CRYBG3: variants seen among roughly 807,000 people sequenced by gnomAD.
The protein encoded by CRYBG3 is very large A-kinase anchor protein.
CRYBG3 carries 127 observed loss-of-function variants against 244.2 expected under a neutral mutation model. The observed-to-expected ratio is 0.52, with a 90% confidence interval of 0.45 to 0.60. The LOEUF (loss-of-function observed/expected upper bound fraction) is 0.60, where lower values mean the gene tolerates loss of function less well. CRYBG3 is among the 20% of genes least tolerant of loss of function. The probability of loss-of-function intolerance (pLI) is 0.00; values close to 1 mark genes in which losing one functional copy is unlikely to be tolerated. For missense variants in CRYBG3, 3,325 were observed against 3,442.5 expected (o/e 0.97, Z 0.85); for synonymous variants, 1,132 against 1,195.8 (o/e 0.95, Z 1.10).
In CRYBG3 at chr3:97,829,935, C is replaced by G. The variant is rs183292669; in HGVS notation, c.149+7580C>G. Among the ~76,000 whole-genome samples, 79 of 152,148 alleles carry G rather than the reference C, an allele frequency of 5.2e-4. 2 individuals are homozygous for G. The highest frequency in any genetic ancestry group is 5.1e-3 in the Admixed American group (78 of 15,284). On this transcript the variant is annotated intron_variant, in intron 1 of 21. Transcript: ENST00000389622. Reference sequence around the variant, plus strand: ...GGAAACTTTAATTTTTTTTCAATCTCATTTAAGCTGTTTCTCCTGGAACAT... The same window carrying G: ...GGAAACTTTAATTTTTTTTCAATCTGATTTAAGCTGTTTCTCCTGGAACAT...
At chr3:97,879,663 G>C (rs758104198) in intron 4 of CRYBG3, 41 bp from the exon 5 acceptor site, 67 of 1,406,588 alleles carry the variant, frequency 4.8e-5, no homozygotes, top group Non-Finnish European at 4.3e-5. Context: ...TCTTTTCACC[G>C]ATGTTTCTTA....
At position 97,874,945 on chromosome 3, in the gene CRYBG3, G is replaced by A; in HGVS notation, c.3751G>A (p.Val1251Met). The A allele has an allele frequency of 6.5e-7, 1 of 1,535,936 alleles. No individual in the cohort carries two copies. Among genetic ancestry groups the A allele is most frequent in the Non-Finnish European group, 8.7e-7 (1 of 1,146,832 alleles). ...EDISEKNPSEVTLTEIQQTEG... is the reference protein window; with the variant it reads ...EDISEKNPSEMTLTEIQQTEG... The stretch of plus-strand genomic sequence containing the variant: ...CATCTCTGAGAAAAACCCATCAGAA[G>A]TGACACTAACAGAAATACAACAGAC... Residue 1251 changes from valine (V) to methionine (M), a missense_variant, in exon 4 of 22, where the codon GTG (valine) becomes ATG (methionine). Physicochemically the swap from Val to Met is conservative, Grantham distance 21. Around this residue, in one of 4 missense-constraint regions of CRYBG3, gnomAD observed 1,526 missense variants for 1,443.2 expected, o/e 1.06. Coordinates refer to ENST00000389622, the MANE Select transcript of CRYBG3 (RefSeq NM_153605.4).
chr3:97,822,491 A>C, intron 1 of CRYBG3, 136 bp downstream of exon 1: 1 of 809,046 alleles, frequency 1.2e-6, no homozygotes, highest in Non-Finnish European at 1.8e-6. Flanking sequence ...TCCTTCCTCC[A>C]TTGCTAAAGT....
intron 17 of CRYBG3, among the ~76,000 whole-genome samples, chr3:97,916,518 G>A (rs1445950348): frequency 6.6e-6 from 1 of 152,162 alleles, no homozygotes; most frequent in East Asian, 1.9e-4. Flanking sequence ...GAGGTAGTGA[G>A]GATCTGGGAT....
intron 11 of CRYBG3, among the ~76,000 whole-genome samples, chr3:97,893,909 G>C (rs538409259): frequency 6.6e-6 from 1 of 152,262 alleles, no homozygotes; most frequent in South Asian, 2.1e-4. Flanking sequence ...AGTAAATTAA[G>C]TAATAGCCAT....
At position 97,877,492 on chromosome 3, in the gene CRYBG3, T is replaced by C. The variant is rs748260587; in HGVS notation, c.6298T>C (p.Ser2100Pro). The C allele has an allele frequency of 1.2e-6, 2 of 1,614,142 alleles. No individual in the cohort carries two copies. The highest frequency in any genetic ancestry group is 2.2e-5 in the South Asian group (2 of 91,078). ...EDDSSQEDIL[S>P]SEVSPGHHGP... ...TGACAGCTCACAGGAGGACATTCTA[T>C]CTAGTGAGGTTTCACCTGGTCACCA... is the stretch of plus-strand genomic sequence containing the variant. The change falls in exon 4 of 22, where the codon TCT becomes CCT. Residue 2100 changes from serine to proline, a missense_variant. Physicochemically the swap from Ser to Pro is moderately conservative, Grantham distance 74 (BLOSUM62 -1). Transcript: ENST00000389622.
intron 2 of CRYBG3, among the ~76,000 whole-genome samples, chr3:97,844,319 G>T (rs2038867589): frequency 6.6e-6 from 1 of 152,094 alleles, no homozygotes; most frequent in African/African-American, 2.4e-5. Context: ...TACCCAGCCT[G>T]CTGGTTTACC....
In CRYBG3 at chr3:97,822,226, G is replaced by T. The variant is rs1057130955; in HGVS notation, c.20G>T (p.Arg7Met). Residue 7 changes from arginine (R) to methionine (M), a missense_variant, in exon 1 of 22, where the codon AGG becomes ATG. Coordinates refer to ENST00000389622, the MANE Select transcript of CRYBG3 (RefSeq NM_153605.4). MSSGRR[R>M]GSAPWHSFSR... ...CGGGAAATGTCCAGCGGCCGCAGAA[G>T]GGGCAGCGCCCCCTGGCACAGCTTC... 2 of 1,525,454 alleles carry T rather than the reference G, an allele frequency of 1.3e-6. No homozygotes were observed. The highest frequency in any genetic ancestry group is 1.8e-6 in the Non-Finnish European group (2 of 1,142,080). The allele number at this position is 1,525,454 out of a possible 1,614,324, so 94.5% of individuals were successfully genotyped here.
In CRYBG3 at chr3:97,895,944, C is replaced by T. The variant is rs750585240; in HGVS notation, c.7575-15C>T. Reference sequence around the variant, plus strand: ...TTTTATTAATGGGTCATTTGGGTGTCCCCTGTATTTCTAGGTGGGTTGCCT... The same window carrying T: ...TTTTATTAATGGGTCATTTGGGTGTTCCCTGTATTTCTAGGTGGGTTGCCT... On this transcript the variant is annotated splice_polypyrimidine_tract_variant and intron_variant, in intron 11 of 21. Coordinates refer to ENST00000389622, the MANE Select transcript of CRYBG3 (RefSeq NM_153605.4). 3 of 1,608,786 alleles carry T rather than the reference C, an allele frequency of 1.9e-6. No homozygotes were observed. Among genetic ancestry groups the T allele is most frequent in the Non-Finnish European group, 2.5e-6 (3 of 1,177,934 alleles).
chr3:97,898,486 A>G (rs960191854), intron 12 of CRYBG3, among the ~76,000 whole-genome samples: 2 of 152,072 alleles, frequency 1.3e-5, no homozygotes, highest in Admixed American at 6.6e-5. Context: ...TATTTTTCCT[A>G]TTACATTTAA....
chr3:97,892,305 C>T (rs917776454), intron 10 of CRYBG3, among the ~76,000 whole-genome samples: 12 of 152,092 alleles, frequency 7.9e-5, no homozygotes, highest in African/African-American at 2.2e-4. Context: ...ATTGTTTCTA[C>T]GGTTAATCAT....
At chr3:97,895,844 T>C in intron 11 of CRYBG3, 115 bp from the exon 12 acceptor site, 1 of 860,422 alleles carries the variant, frequency 1.2e-6, no homozygotes, top group South Asian at 2.0e-5. Context: ...AACTAATGTG[T>C]TGCTTTTTAC....
chr3:97,933,218 A>T (rs569527010), intron 17 of CRYBG3: 3 of 411,188 alleles, frequency 7.3e-6, no homozygotes, highest in African/African-American at 6.3e-5. Flanking sequence ...AGCTTTTTTT[A>T]AATTAAAAAT....
At chr3:97,855,245 T>C (rs1330498403) in intron 2 of CRYBG3, among the ~76,000 whole-genome samples, 2 of 152,270 alleles carry the variant, frequency 1.3e-5, no homozygotes, top group East Asian at 3.9e-4. Context: ...TTGCTAGTAT[T>C]TTATTGGAGA....
chr3:97,877,072 A>G lies in CRYBG3; in HGVS notation c.5878A>G (p.Arg1960Gly), dbSNP rs375540210. ...PDFQPGDTTV[R>G]LDKRMSLTAI... ...TTTTCAACCTGGGGATACCACAGTA[A>G]GACTAGACAAAAGAATGTCTCTTAC... The change falls in exon 4 of 22, where the codon AGA becomes GGA. Residue 1960 changes from arginine (R) to glycine (G), a missense_variant. Around this residue, in one of 4 missense-constraint regions of CRYBG3, gnomAD observed 450 missense variants for 424.1 expected, o/e 1.06. Coordinates refer to ENST00000389622, the MANE Select transcript of CRYBG3 (RefSeq NM_153605.4). The G allele has an allele frequency of 3.1e-6, 5 of 1,609,100 alleles. No homozygotes were observed. In the African/African-American group the frequency reaches 5.3e-5, roughly 17 times the overall value.
intron 1 of CRYBG3, among the ~76,000 whole-genome samples, chr3:97,834,967 C>T (rs1013751190): frequency 6.6e-6 from 1 of 152,110 alleles, no homozygotes; most frequent in Non-Finnish European, 1.5e-5. Context: ...CACTCAGAAA[C>T]ATATATCATT....
chr3:97,921,536 G>A (rs867845528), intron 17 of CRYBG3, among the ~76,000 whole-genome samples: 2 of 152,128 alleles, frequency 1.3e-5, no homozygotes, highest in African/African-American at 4.8e-5. Flanking sequence ...CATAAGAGGG[G>A]TTGTACTTTG....
chr3:97,896,211 C>A, intron 12 of CRYBG3, 126 bp downstream of exon 12: 1 of 804,280 alleles, frequency 1.2e-6, no homozygotes, highest in Non-Finnish European at 1.8e-6. Context: ...TTAACCTCAA[C>A]TGCTTATGCA....
In CRYBG3 at chr3:97,899,217, G is replaced by C. The variant is rs768270541; in HGVS notation, c.7925G>C (p.Trp2642Ser). Residue 2642 changes from tryptophan (W) to serine (S), a missense_variant, in exon 14 of 22, where the codon TGG becomes TCG. By Grantham distance (177) the Trp-to-Ser change is radical. This residue lies in a region of CRYBG3 where 714 missense variants were observed against 803.6 expected (regional missense o/e 0.89). Transcript: ENST00000389622. ...GGGAAATACAAATGCTTTTTTGACT[G>C]GGGAGGATCAAATAATATAATCATG... Reference protein sequence around the residue: ...EKGKYKCFFDWGGSNNIIMSI... With the variant: ...EKGKYKCFFDSGGSNNIIMSI... 1 of 1,613,430 alleles carries C rather than the reference G, an allele frequency of 6.2e-7. No homozygotes were observed. The highest frequency in any genetic ancestry group is 8.5e-7 in the Non-Finnish European group (1 of 1,179,684).
Sources: gnomAD v4.1 joint callset for allele counts (sites outside exome capture counted in the v4.1 genomes callset) on GRCh38, gnomAD v4.1.1 for gene constraint, gnomAD v4.1.1 regional missense constraint, MANE v1.5 for transcripts, NCBI Gene and HGNC (gene_info 2026-07-23, HGNC 2026-07-21) for gene names.